Variants in MACROD2 observed in about 807,000 individuals in gnomAD.
MACROD2 encodes ADP-ribose glycohydrolase MACROD2.
In MACROD2, 36 loss-of-function variants were observed where a neutral mutation model predicts 70.4. That is an observed-to-expected ratio of 0.51 (90% CI 0.39 to 0.68). The LOEUF (loss-of-function observed/expected upper bound fraction) is 0.68, where lower values mean the gene tolerates loss of function less well. MACROD2 is among the 30% of genes least tolerant of loss of function. The pLI is 0.00. For synonymous variants in MACROD2, 172 were observed against 178.8 expected, an observed-to-expected ratio of 0.96 and a Z score of 0.30; for missense variants, 496 against 538.4, an observed-to-expected ratio of 0.92 and a Z score of 0.78.
chr20:14,031,763 A>G (rs1209545783), intron 2 of MACROD2, among the ~76,000 whole-genome samples: 5 of 150,168 alleles, frequency 3.3e-5, no homozygotes, highest in Admixed American at 2.0e-4. Context: ...CCCAATTCCT[A>G]ATGAATAAAT....
intron 13 of MACROD2, among the ~76,000 whole-genome samples, chr20:15,972,826 A>G (rs981141520): frequency 2.6e-5 from 4 of 152,148 alleles, no homozygotes; most frequent in African/African-American, 9.7e-5. Flanking sequence ...CAAAAAAGAA[A>G]AAAAAAAGAT....
At chr20:14,139,423 C>G (rs2054840647) in intron 3 of MACROD2, among the ~76,000 whole-genome samples, 1 of 152,200 alleles carries the variant, frequency 6.6e-6, no homozygotes, top group South Asian at 2.1e-4. Context: ...TTTCTGACTC[C>G]AAAACCTATG....
intron 3 of MACROD2, among the ~76,000 whole-genome samples, chr20:14,142,310 C>A (rs929921744): frequency 2.6e-5 from 4 of 152,282 alleles, no homozygotes; most frequent in South Asian, 4.1e-4. Flanking sequence ...TTCCACCAGT[C>A]TGAACTTACT....
chr20:15,773,019 CA>C (rs1337429999), intron 8 of MACROD2, among the ~76,000 whole-genome samples: 1 of 152,086 alleles, frequency 6.6e-6, no homozygotes, highest in Non-Finnish European at 1.5e-5. Flanking sequence ...CAGACCATAT[CA>C]GTGGTATTTC....
intron 5 of MACROD2, among the ~76,000 whole-genome samples, chr20:14,977,653 C>T (rs190988906): frequency 1.3e-4 from 20 of 152,036 alleles, no homozygotes; most frequent in Non-Finnish European, 2.1e-4. Flanking sequence ...AAGAGATAAC[C>T]GTTGTACAAG....
intron 8 of MACROD2, among the ~76,000 whole-genome samples, chr20:15,821,095 A>G (rs1472595430): frequency 1.3e-5 from 2 of 152,166 alleles, no homozygotes; most frequent in Non-Finnish European, 2.9e-5. Context: ...TTATTCTCTT[A>G]GTAGTGTCTT....
At chr20:15,999,305 C>T (rs976037081) in intron 15 of MACROD2, among the ~76,000 whole-genome samples, 1 of 151,828 alleles carries the variant, frequency 6.6e-6, no homozygotes, top group African/African-American at 2.4e-5. Context: ...AAAATTCTTC[C>T]TGTTATTGTT....
At chr20:15,881,468 A>T (rs140142651) in intron 9 of MACROD2, among the ~76,000 whole-genome samples, 1 of 152,134 alleles carries the variant, frequency 6.6e-6, no homozygotes, top group Non-Finnish European at 1.5e-5. Context: ...GGACCAGTTG[A>T]GTAATGAGGC....
chr20:15,031,915 A>G (rs1482811120), intron 5 of MACROD2, among the ~76,000 whole-genome samples: 1 of 152,092 alleles, frequency 6.6e-6, no homozygotes, highest in Non-Finnish European at 1.5e-5. Flanking sequence ...CGCCATCAGC[A>G]TGCCATCCAG....
chr20:15,365,891 C>T (rs1046962583), intron 6 of MACROD2, among the ~76,000 whole-genome samples: 1 of 152,112 alleles, frequency 6.6e-6, no homozygotes, highest in Admixed American at 6.6e-5. Context: ...ATATATTTCT[C>T]TTACCTTTAG....
chr20:16,019,564 C>G (rs2066974212), intron 15 of MACROD2, among the ~76,000 whole-genome samples: 1 of 152,172 alleles, frequency 6.6e-6, no homozygotes, highest in Non-Finnish European at 1.5e-5. Flanking sequence ...TGAGGGACTA[C>G]TCCACACAGT....
chr20:14,538,309 C>G (rs894836685), intron 4 of MACROD2, among the ~76,000 whole-genome samples: 4 of 152,202 alleles, frequency 2.6e-5, no homozygotes, highest in Non-Finnish European at 5.9e-5. Context: ...TAGAATATCC[C>G]TGGTCCTCAT....
chr20:15,695,801 G>C (rs1198985611), intron 8 of MACROD2, among the ~76,000 whole-genome samples: 1 of 148,734 alleles, frequency 6.7e-6, no homozygotes, highest in African/African-American at 2.5e-5. Context: ...TTTTTTTTCA[G>C]CTATTATAAT....
chr20:15,134,041 G>A (rs1240013648), intron 5 of MACROD2, among the ~76,000 whole-genome samples: 1 of 149,270 alleles, frequency 6.7e-6, no homozygotes, highest in Non-Finnish European at 1.5e-5. Context: ...CGCGTAGCTG[G>A]GAATACAGGT....
intron 4 of MACROD2, among the ~76,000 whole-genome samples, chr20:14,662,847 A>G (rs1459245205): frequency 1.3e-5 from 2 of 152,124 alleles, no homozygotes; most frequent in African/African-American, 4.8e-5. Flanking sequence ...AGATGCTGGC[A>G]AGATTGTGGA....
intron 3 of MACROD2, among the ~76,000 whole-genome samples, chr20:14,175,893 T>C (rs934339941): frequency 2.0e-5 from 3 of 152,192 alleles, no homozygotes; most frequent in African/African-American, 7.2e-5. Flanking sequence ...TTTTGGCATT[T>C]GGTGGATGAG....
At chr20:15,187,093 G>A (rs2145909634) in intron 5 of MACROD2, among the ~76,000 whole-genome samples, 1 of 152,314 alleles carries the variant, frequency 6.6e-6, no homozygotes, top group Non-Finnish European at 1.5e-5. Flanking sequence ...CGACATGATT[G>A]ATGGTTGAGA....
chr20:15,305,967 A>G (rs899360791), intron 6 of MACROD2, among the ~76,000 whole-genome samples: 54 of 152,154 alleles, frequency 3.5e-4, no homozygotes, highest in South Asian at 2.1e-4. Context: ...TGTGAATTGG[A>G]TATCCTTTCA....
chr20:14,357,964 T>G lies in MACROD2; in HGVS notation c.272-135515T>G, dbSNP rs147152720. Among the ~76,000 whole-genome samples, 58 of 152,360 alleles carry G rather than the reference T, an allele frequency of 3.8e-4. 2 individuals are homozygous for G. In the East Asian group the frequency reaches 0.011, roughly 28 times the overall value. On this transcript the variant is annotated intron_variant, in intron 3 of 17. Transcript: ENST00000684519. ...GTCATCTCTTTGAATTAAACATGTC[T>G]TATTCTGAAAGATGCCAAGGCCTGG...
Sources: allele counts gnomAD v4.1 joint callset (sites outside exome capture counted in the v4.1 genomes callset), GRCh38; gene constraint gnomAD v4.1.1; transcripts MANE v1.5; gene names NCBI Gene and HGNC (gene_info 2026-07-23, HGNC 2026-07-21).